Variants in PLOD1 observed in about 807,000 individuals in gnomAD.
PLOD1 encodes the protein lysine hydroxylase.
In PLOD1, 70 loss-of-function variants were observed where a neutral mutation model predicts 94.7. The observed-to-expected ratio is 0.74, with a 90% CI of 0.61 to 0.90. PLOD1 has a LOEUF of 0.90. Among genes scored for constraint, PLOD1 ranks in the 40% least tolerant of loss-of-function variants. The pLI is 0.00. For missense variants in PLOD1, 905 were observed against 972.7 expected (o/e 0.93, Z 0.93); for synonymous variants, 417 against 400.2 (o/e 1.04, Z -0.50).
rs1645895062 is a variant in PLOD1, at chr1:11,975,119, C to T, written c.*311C>T. 1 of 445,324 alleles carries T rather than the reference C, an allele frequency of 2.2e-6. No homozygotes were observed. The highest frequency in any genetic ancestry group is 3.5e-5 in the Admixed American group (1 of 28,978). The allele number at this position is 445,324 out of a possible 1,614,324, so 27.6% of individuals were successfully genotyped here. ...AAAAACCAAGGCCCCCTTCCCCCAC[C>T]TCTTCCATGGGGTGAGACTTGAGCA... On this transcript the variant is annotated 3_prime_UTR_variant, in exon 19 of 19. Transcript: ENST00000196061.
chr1:11,949,992 GAAGA>G, intron 3 of PLOD1, 86 bp downstream of exon 3: 1 of 1,376,744 alleles, frequency 7.3e-7, no homozygotes, highest in Non-Finnish European at 1.0e-6. Flanking sequence ...GAACATCGGG[GAAGA>G]AGGGGGACCA....
chr1:11,967,241 A>G (rs946541455), intron 16 of PLOD1, 150 bp downstream of exon 16: 3 of 639,252 alleles, frequency 4.7e-6, no homozygotes, highest in African/African-American at 1.8e-5. Flanking sequence ...GCAGGCAGGT[A>G]GGAGTAGAGG....
intron 1 of PLOD1, chr1:11,944,468 C>G (rs1645636301): frequency 1.6e-6 from 2 of 1,258,868 alleles, no homozygotes; most frequent in East Asian, 5.5e-5. Context: ...CTCACATGCT[C>G]TCACGCTGGC....
Position 11,966,335 on chromosome 1 carries a change from C to G in PLOD1, c.1650+19C>G. On this transcript the variant is annotated intron_variant, in intron 15 of 18. Coordinates refer to ENST00000196061, the MANE Select transcript of PLOD1 (RefSeq NM_000302.4). ...GGAGACGGTAAGGGCCATGGACACCCTCTTGGACCAGCCTTGCCTGCTGCA... is the reference window on the plus strand; with the variant it reads ...GGAGACGGTAAGGGCCATGGACACCGTCTTGGACCAGCCTTGCCTGCTGCA... The G allele has an allele frequency of 2.5e-6, 4 of 1,584,804 alleles. No individual in the cohort carries two copies. The highest frequency in any genetic ancestry group is 3.4e-6 in the Non-Finnish European group (4 of 1,159,926).
At chr1:11,939,315 C>T (rs1272518672) in intron 1 of PLOD1, among the ~76,000 whole-genome samples, 1 of 152,130 alleles carries the variant, frequency 6.6e-6, no homozygotes, top group East Asian at 1.9e-4. Flanking sequence ...TCCTGCCAGA[C>T]CCTGTTCCTG....
At chr1:11,967,502 A>G (rs376832571) in intron 16 of PLOD1, among the ~76,000 whole-genome samples, 4 of 147,506 alleles carry the variant, frequency 2.7e-5, no homozygotes, top group East Asian at 2.0e-4. Context: ...TGAGGGTGCT[A>G]GGCCCTGTGT....
In PLOD1 at chr1:11,965,526, T is replaced by C; in HGVS notation, c.1517T>C (p.Leu506Pro). 1 of 1,613,636 alleles carries C rather than the reference T, an allele frequency of 6.2e-7. No homozygotes were observed. The highest frequency in any genetic ancestry group is 8.5e-7 in the Non-Finnish European group (1 of 1,179,906). ...LTNRHTLGHL[L>P]SLDSYRTTHL... Reference sequence around the variant, plus strand: ...AACCGGCACACCCTTGGCCATCTGCTCTCCCTAGACAGCTACCGCACCACC... The same window carrying C: ...AACCGGCACACCCTTGGCCATCTGCCCTCCCTAGACAGCTACCGCACCACC... Residue 506 changes from leucine to proline, a missense_variant, in exon 14 of 19, where the codon CTC becomes CCC. Transcript: ENST00000196061.
chr1:11,953,958 G>A (rs1161524348), intron 5 of PLOD1, among the ~76,000 whole-genome samples: 3 of 151,350 alleles, frequency 2.0e-5, no homozygotes, highest in South Asian at 2.1e-4. Flanking sequence ...TCAGCCTCCC[G>A]GACTCAAGCG....
At chr1:11,971,954 C>CA (rs1645867793) in intron 17 of PLOD1, 1 of 152,274 alleles carries the variant, frequency 6.6e-6, no homozygotes, top group Non-Finnish European at 1.5e-5. Flanking sequence ...GGTTAATTCT[C>CA]ACAATTCTTT....
rs938801102 is a variant in PLOD1, at chr1:11,967,660, T to A, written c.1755+569T>A. 3.4e-3 allele frequency among the ~76,000 whole-genome samples: 422 copies of A among 122,410 alleles called. 8 individuals are homozygous for A. Among genetic ancestry groups the A allele is most frequent in the Non-Finnish European group, 4.9e-3 (291 of 59,852 alleles). 80.3% of individuals were successfully genotyped at this position (122,410 alleles called of 152,430 possible). A position where few individuals can be genotyped will look rare whatever the true frequency, so the allele number is the denominator to read the frequency against. On this transcript the variant is annotated intron_variant, in intron 16 of 18. Coordinates refer to ENST00000196061, the MANE Select transcript of PLOD1 (RefSeq NM_000302.4). ...TTTATTTATATATATATATATATAT[T>A]TTTTTTAAATAATAGAGACGGGGTC...
intron 13 of PLOD1, 113 bp from the exon 14 acceptor site, chr1:11,965,367 A>G (rs1397732729): frequency 4.3e-6 from 3 of 694,938 alleles, no homozygotes; most frequent in Non-Finnish European, 7.7e-6. Context: ...TGGGAACTTC[A>G]GTTCGGCGGG....
Position 11,972,500 on chromosome 1 carries a change from A to G in PLOD1, c.1903-372A>G. On this transcript the variant is annotated intron_variant, in intron 17 of 18. Transcript: ENST00000196061. This position sits in a 1 kb window ranked among gnomAD's most constrained non-coding sequence, Gnocchi z 4.6. Reference sequence around the variant, plus strand: ...ACTCCTGACCTCAGGTGATCCGCCCACCTTGGCCTCCCAAAGTGCTGGAAT... The same window carrying G: ...ACTCCTGACCTCAGGTGATCCGCCCGCCTTGGCCTCCCAAAGTGCTGGAAT... The G allele has an allele frequency of 3.8e-6, 1 of 262,340 alleles. No homozygotes were observed. The highest frequency in any genetic ancestry group is 4.3e-5 in the South Asian group (1 of 23,134). The allele number at this position is 262,340 out of a possible 1,614,324, so 16.3% of individuals were successfully genotyped here. A position where few individuals can be genotyped will look rare whatever the true frequency, so the allele number is the denominator to read the frequency against.
Position 11,963,569 on chromosome 1 carries a change from T to C in PLOD1, c.1135T>C (p.Phe379Leu). The change falls in exon 11 of 19, where the codon TTC becomes CTC. Residue 379 changes from phenylalanine to leucine, a missense_variant. Coordinates refer to ENST00000196061, the MANE Select transcript of PLOD1 (RefSeq NM_000302.4). This position sits in a 1 kb window ranked among gnomAD's most constrained non-coding sequence, Gnocchi z 4.3. ...GCAGGACCGCAGCTGCACCTACTAC[T>C]TCAGCGTGGATGCTGACGTGGCCCT... ...CRQDRSCTYY[F>L]SVDADVALTE... The C allele has an allele frequency of 1.2e-6, 2 of 1,604,848 alleles. No individual in the cohort carries two copies. The highest frequency in any genetic ancestry group is 1.7e-6 in the Non-Finnish European group (2 of 1,176,438).
Position 11,934,831 on chromosome 1 carries a change from G to A in PLOD1, c.52G>A (p.Ala18Thr), listed in dbSNP as rs373165011. Residue 18 changes from alanine (A) to threonine (T), a missense_variant, in exon 1 of 19, where the codon GCG (alanine) becomes ACG (threonine). By Grantham distance (58) the Ala-to-Thr change is moderately conservative (BLOSUM62 0). Coordinates refer to ENST00000196061, the MANE Select transcript of PLOD1 (RefSeq NM_000302.4). ...ALLGWLLLAE[A>T]KGDAKPEDNL... Reference sequence around the variant, plus strand: ...GCTGGGCTGGCTGCTGCTGGCCGAAGCGAAGGGCGACGCCAAGCCGGAGGG... The same window carrying A: ...GCTGGGCTGGCTGCTGCTGGCCGAAACGAAGGGCGACGCCAAGCCGGAGGG... 4.2e-5 allele frequency: 65 copies of A among 1,540,198 alleles called. No homozygotes were observed. In the African/African-American group the frequency reaches 7.4e-4, roughly 18 times the overall value.
intron 1 of PLOD1, among the ~76,000 whole-genome samples, chr1:11,940,286 G>C (rs931288973): frequency 2.6e-5 from 4 of 152,070 alleles, no homozygotes; most frequent in Non-Finnish European, 5.9e-5. Flanking sequence ...GTCTCCCTAA[G>C]TGTTGACATT....
chr1:11,953,943 C>T (rs999577215), intron 5 of PLOD1, among the ~76,000 whole-genome samples: 4 of 151,776 alleles, frequency 2.6e-5, no homozygotes, highest in Non-Finnish European at 5.9e-5. Flanking sequence ...TAGCTCACTG[C>T]AGCCTCAGCC....
At position 11,970,739 on chromosome 1, in the gene PLOD1, G is replaced by C; in HGVS notation, c.1825G>C (p.Glu609Gln). 2 of 1,612,492 alleles carry C rather than the reference G, an allele frequency of 1.2e-6. No homozygotes were observed. Among genetic ancestry groups the C allele is most frequent in the Non-Finnish European group, 1.7e-6 (2 of 1,179,826 alleles). ...CATCCACATGAACCAGATCGGCTTT[G>C]AGCGGGAGTGGCACAAATTCCTGCT... ...IDIHMNQIGF[E>Q]REWHKFLLEY... The change falls in exon 17 of 19, where the codon GAG becomes CAG. Residue 609 changes from glutamate (E) to glutamine (Q), a missense_variant. Transcript: ENST00000196061.
At position 11,950,361 on chromosome 1, in the gene PLOD1, G is replaced by A. The variant is rs774590964; in HGVS notation, c.307G>A (p.Asp103Asn). The change falls in exon 4 of 19, where the codon GAC (aspartate) becomes AAC (asparagine). Residue 103 changes from aspartate to asparagine, a missense_variant. By Grantham distance (23) the Asp-to-Asn change is conservative. Transcript: ENST00000196061. ...DLVILFADSY[D>N]VLFASGPREL... ...TTCTCGCTGCTCTGGCCACAGCTATGACGTGCTGTTTGCATCGGGGCCCCG... is the reference window on the plus strand; with the variant it reads ...TTCTCGCTGCTCTGGCCACAGCTATAACGTGCTGTTTGCATCGGGGCCCCG... The A allele has an allele frequency of 3.6e-5, 58 of 1,613,978 alleles. No homozygotes were observed. Among genetic ancestry groups the A allele is most frequent in the Non-Finnish European group, 4.7e-5 (56 of 1,179,996 alleles).
intron 17 of PLOD1, among the ~76,000 whole-genome samples, chr1:11,971,108 C>G (rs1483775957): frequency 1.5e-5 from 1 of 65,178 alleles, no homozygotes; most frequent in East Asian, 4.2e-4. Flanking sequence ...AGTGGAAAGC[C>G]TAGAGGGGCG....
Sources: allele counts gnomAD v4.1 joint callset (sites outside exome capture counted in the v4.1 genomes callset), GRCh38; gene constraint gnomAD v4.1.1; non-coding constraint Gnocchi (gnomAD v3.1); transcripts MANE v1.5; gene names NCBI Gene and HGNC (gene_info 2026-07-23, HGNC 2026-07-21).